The following CACNA1B variants were observed in gnomAD, a reference collection of about 807,000 sequenced individuals.
CACNA1B encodes the protein voltage-dependent N-type calcium channel subunit alpha-1B.
A neutral mutation model predicts 247.2 loss-of-function variants in CACNA1B; 70 were observed. That is an observed-to-expected ratio of 0.28 (90% CI 0.23 to 0.35). The LOEUF (loss-of-function observed/expected upper bound fraction) is 0.35. CACNA1B is among the 10% of genes least tolerant of loss of function. The pLI is 1.00. For synonymous variants in CACNA1B, 1,231 were observed against 1,294.4 expected (o/e 0.95, Z 1.05); for missense variants, 2,367 against 3,197.4 (o/e 0.74, Z 6.26).
intron 6 of CACNA1B, among the ~76,000 whole-genome samples, chr9:137,921,076 T>C (rs546469087): frequency 2.6e-5 from 4 of 152,270 alleles, no homozygotes; most frequent in African/African-American, 9.6e-5. Context: ...ACTTGACTCA[T>C]GGACAGTGTT....
chr9:138,043,488 C>T (rs757146788), intron 20 of CACNA1B, among the ~76,000 whole-genome samples: 5 of 151,924 alleles, frequency 3.3e-5, no homozygotes, highest in African/African-American at 7.3e-5. Context: ...CCCCTCAGCG[C>T]GGCAGAGGGG....
intron 40 of CACNA1B, among the ~76,000 whole-genome samples, chr9:138,113,222 G>A (rs936913723): frequency 2.7e-5 from 4 of 148,102 alleles, no homozygotes; most frequent in Non-Finnish European, 4.4e-5. Context: ...AGGCATGAGG[G>A]AGTTCGGGGA....
rs1958194299 is a variant in CACNA1B, at chr9:137,974,418, T to C, written c.1544-1489T>C. On this transcript the variant is annotated intron_variant, in intron 11 of 46. Transcript: ENST00000371372. The surrounding 1 kb of genome is among the most constrained non-coding windows in gnomAD (Gnocchi z 4.5). The stretch of plus-strand genomic sequence containing the variant: ...GGCTGGTGTCAGAGGCCAGGCTTGC[T>C]ACAGGTGACTTGCTCCAAGGAACTG... 1.3e-5 allele frequency among the ~76,000 whole-genome samples: 2 copies of C among 152,218 alleles called. No individual in the cohort carries two copies. The highest frequency in any genetic ancestry group is 4.8e-5 in the African/African-American group (2 of 41,462).
chr9:138,078,198 G>A lies in CACNA1B; in HGVS notation c.5034G>A (p.Glu1678=). The part of the protein sequence containing the change: ...QACDEQANAT[E]CGSDFAYFYF... ...GTGATGAGCAGGCCAATGCCACCGA[G>A]TGTGGAAGTGACTTTGCCTACTTCT... Residue 1678 remains glutamate, a synonymous_variant, in exon 36 of 47, where the codon GAG becomes GAA. Transcript: ENST00000371372. 2 of 1,613,998 alleles carry A rather than the reference G, an allele frequency of 1.2e-6. No individual in the cohort carries two copies. Among genetic ancestry groups the A allele is most frequent in the Non-Finnish European group, 1.7e-6 (2 of 1,179,862 alleles).
chr9:138,032,669 C>T (rs1199120116), intron 20 of CACNA1B: 4 of 448,264 alleles, frequency 8.9e-6, no homozygotes, highest in Non-Finnish European at 1.8e-5. Context: ...GTTGACAGTT[C>T]TTTTTTTTTC....
chr9:138,019,946 A>G (rs1340947361), intron 18 of CACNA1B, among the ~76,000 whole-genome samples: 1 of 151,804 alleles, frequency 6.6e-6, no homozygotes, highest in Non-Finnish European at 1.5e-5. Context: ...AAATACAAAA[A>G]ATTAGCCGTG....
At chr9:138,028,431 G>C (rs556562195) in intron 20 of CACNA1B, among the ~76,000 whole-genome samples, 17 of 152,272 alleles carry the variant, frequency 1.1e-4, no homozygotes, top group African/African-American at 4.1e-4. Context: ...CTAATAAACA[G>C]TCATAATAGA....
chr9:137,942,728 G>A (rs1429035827), intron 6 of CACNA1B, among the ~76,000 whole-genome samples: 2 of 152,192 alleles, frequency 1.3e-5, no homozygotes, highest in Non-Finnish European at 2.9e-5. Flanking sequence ...ATGGAAAACC[G>A]AACGTCGTAT....
chr9:137,887,066 C>T (rs1262890107), intron 3 of CACNA1B, among the ~76,000 whole-genome samples: 1 of 151,218 alleles, frequency 6.6e-6, no homozygotes, highest in Non-Finnish European at 1.5e-5. Context: ...GAGACCAGGG[C>T]ACCTGGACTT....
chr9:138,104,478 C>T (rs759050536), intron 38 of CACNA1B, among the ~76,000 whole-genome samples: 5 of 152,258 alleles, frequency 3.3e-5, no homozygotes, highest in Non-Finnish European at 7.3e-5. Flanking sequence ...AAGCCGTTTA[C>T]TCCTGTTGTG....
intron 6 of CACNA1B, among the ~76,000 whole-genome samples, chr9:137,930,191 T>C (rs1957593545): frequency 6.6e-6 from 1 of 152,180 alleles, no homozygotes; most frequent in African/African-American, 2.4e-5. Context: ...GGGGTTTAGA[T>C]GATTATTTAG....
Position 137,883,555 on chromosome 9 carries a change from G to C in CACNA1B, c.530+672G>C, listed in dbSNP as rs572322011. 5.4e-3 allele frequency among the ~76,000 whole-genome samples: 803 copies of C among 149,718 alleles called. 8 individuals are homozygous for C. The highest frequency in any genetic ancestry group is 9.3e-3 in the Admixed American group (140 of 15,050). ...CCAGTGCTCTGCACCCCACCCTCCA[G>C]GGTGTTAACTCCCCAACCTGTGCAG... On this transcript the variant is annotated intron_variant, in intron 3 of 46. Coordinates refer to ENST00000371372, the MANE Select transcript of CACNA1B (RefSeq NM_000718.4).
intron 18 of CACNA1B, among the ~76,000 whole-genome samples, chr9:138,015,408 G>T (rs989971535): frequency 6.6e-6 from 1 of 151,962 alleles, no homozygotes; most frequent in Admixed American, 6.5e-5. Context: ...TGCCTGTGTT[G>T]TGCTGAGACC....
intron 15 of CACNA1B, among the ~76,000 whole-genome samples, chr9:138,006,068 T>A (rs956602473): frequency 2.2e-4 from 33 of 149,788 alleles, no homozygotes; most frequent in African/African-American, 2.5e-4. Flanking sequence ...AAAAGAAATT[T>A]AAAAACCCCC....
At chr9:138,046,692 G>A (rs529760730) in intron 21 of CACNA1B, among the ~76,000 whole-genome samples, 2 of 152,302 alleles carry the variant, frequency 1.3e-5, no homozygotes, top group Admixed American at 1.3e-4. Flanking sequence ...CCCACCCCCC[G>A]TCCCGGGAGG....
At chr9:138,000,288 C>T (rs868385670) in intron 15 of CACNA1B, among the ~76,000 whole-genome samples, 128 of 152,080 alleles carry the variant, frequency 8.4e-4, no homozygotes, top group Middle Eastern at 6.8e-3. Context: ...TTAGTAGAGA[C>T]AGGGTTTCAC....
Position 138,057,670 on chromosome 9 carries a change from A to C in CACNA1B, c.3969-62A>C. The C allele has an allele frequency of 6.6e-7, 1 of 1,525,656 alleles. No homozygotes were observed. 94.5% of individuals were successfully genotyped at this position (1,525,656 alleles called of 1,614,324 possible). A position where few individuals can be genotyped will look rare whatever the true frequency, so the allele number is the denominator to read the frequency against. On this transcript the variant is annotated intron_variant, in intron 26 of 46. Coordinates refer to ENST00000371372, the MANE Select transcript of CACNA1B (RefSeq NM_000718.4). This position sits in a 1 kb window ranked among gnomAD's most constrained non-coding sequence, Gnocchi z 4.0. ...CCACGGAATGGTTTCAACACTCTTGATAGGTGGGTTTATTTGGATCTTTTG... is the reference window on the plus strand; with the variant it reads ...CCACGGAATGGTTTCAACACTCTTGCTAGGTGGGTTTATTTGGATCTTTTG...
At position 137,914,631 on chromosome 9, in the gene CACNA1B, G is replaced by C. The variant is rs201251127; in HGVS notation, c.623-23G>C. ...CCCTACCCTGCCCACGTTGCTTCCT[G>C]ACCTGCCCTGTTCTGGCCCCAGGTT... On this transcript the variant is annotated intron_variant, in intron 4 of 46. Coordinates refer to ENST00000371372, the MANE Select transcript of CACNA1B (RefSeq NM_000718.4). The surrounding 1 kb of genome is among the most constrained non-coding windows in gnomAD (Gnocchi z 4.3). 1.9e-6 allele frequency: 3 copies of C among 1,610,974 alleles called. No individual in the cohort carries two copies. Among genetic ancestry groups the C allele is most frequent in the African/African-American group, 1.3e-5 (1 of 74,904 alleles).
chr9:138,045,899 CAGGTGTGGGTGAG>C (rs2133477800), intron 21 of CACNA1B, among the ~76,000 whole-genome samples: 1 of 152,168 alleles, frequency 6.6e-6, no homozygotes, highest in Non-Finnish European at 1.5e-5. Flanking sequence ...TGGGGGTTCG[CAGGTGTGGGTGAG>C]AGGAAGAGCT....
Sources: gnomAD v4.1 joint callset for allele counts (sites outside exome capture counted in the v4.1 genomes callset) on GRCh38, gnomAD v4.1.1 for gene constraint, Gnocchi (gnomAD v3.1) non-coding constraint, MANE v1.5 for transcripts, NCBI Gene and HGNC (gene_info 2026-07-23, HGNC 2026-07-21) for gene names.